Variants in PLXNA2 observed in about 807,000 individuals in gnomAD.
PLXNA2 encodes the protein plexin A2.
PLXNA2 carries 91 observed loss-of-function variants against 193.5 expected under a neutral mutation model. The observed-to-expected ratio is 0.47, with a 90% CI of 0.40 to 0.56. The LOEUF (loss-of-function observed/expected upper bound fraction) is 0.56, where lower values mean the gene tolerates loss of function less well. PLXNA2 is among the 20% of genes least tolerant of loss of function. The pLI, the probability that PLXNA2 is intolerant of heterozygous loss-of-function variation, is 0.00. For synonymous variants in PLXNA2, 997 were observed against 1,027.3 expected (o/e 0.97, Z 0.56); for missense variants, 1,995 against 2,503.2 (o/e 0.80, Z 4.33).
intron 3 of PLXNA2, among the ~76,000 whole-genome samples, chr1:208,194,726 C>T (rs959830966): frequency 3.5e-4 from 53 of 152,180 alleles, no homozygotes; most frequent in African/African-American, 1.2e-3. Flanking sequence ...TTGCTGCTGT[C>T]CTTCTCCACC....
chr1:208,085,557 G>C (rs1666491290), intron 9 of PLXNA2, among the ~76,000 whole-genome samples: 1 of 152,230 alleles, frequency 6.6e-6, no homozygotes, highest in Admixed American at 6.5e-5. Context: ...CAAGGTGTAG[G>C]ACATGTTCAA....
At chr1:208,090,117 C>T (rs991800390) in intron 9 of PLXNA2, among the ~76,000 whole-genome samples, 1 of 152,112 alleles carries the variant, frequency 6.6e-6, no homozygotes, top group East Asian at 1.9e-4. Flanking sequence ...GAATCTGCAC[C>T]CTGTTTCCTT....
In PLXNA2 at chr1:208,098,942, C is replaced by T. The variant is rs1372189680; in HGVS notation, c.1635G>A (p.Gln545=). 6.2e-7 allele frequency: 1 copy of T among 1,613,052 alleles called. No individual in the cohort carries two copies. The highest frequency in any genetic ancestry group is 8.5e-7 in the Non-Finnish European group (1 of 1,179,856). The change falls in exon 6 of 32, where the codon CAG becomes CAA. Residue 545 remains glutamine, a synonymous_variant. Coordinates refer to ENST00000367033, the MANE Select transcript of PLXNA2 (RefSeq NM_025179.4). ...CAGCAAATCGATTAGGTTCCCAGGC[C>T]TGTTGGCATTTGTCCCTGCGGGAGC... ...NMCSRRDKCQ[Q]AWEPNRFAAS... is the part of the protein sequence containing the mutation.
chr1:208,064,228 T>G (rs796659909), intron 12 of PLXNA2, among the ~76,000 whole-genome samples: 25 of 152,334 alleles, frequency 1.6e-4, no homozygotes, highest in African/African-American at 5.8e-4. Flanking sequence ...CATCATCTCC[T>G]ACCCACACTA....
chr1:208,125,492 G>T (rs1223694911), intron 4 of PLXNA2, among the ~76,000 whole-genome samples: 2 of 152,210 alleles, frequency 1.3e-5, no homozygotes, highest in African/African-American at 4.8e-5. Context: ...CCAGGTGAGA[G>T]AAATCGCATT....
intron 3 of PLXNA2, among the ~76,000 whole-genome samples, chr1:208,205,796 A>G (rs1670700729): frequency 6.6e-6 from 1 of 152,136 alleles, no homozygotes; most frequent in Admixed American, 6.5e-5. Context: ...TCTTCCTTAT[A>G]TGAAGGGGAA....
intron 3 of PLXNA2, among the ~76,000 whole-genome samples, chr1:208,194,444 A>G (rs1171537771): frequency 1.4e-5 from 2 of 146,816 alleles, no homozygotes; most frequent in Non-Finnish European, 3.0e-5. Context: ...CCAATAAATA[A>G]TTTAGCAGCT....
Position 208,238,367 on chromosome 1 carries a change from T to C in PLXNA2, c.-81+5276A>G, listed in dbSNP as rs1048111509. Reference sequence around the variant, plus strand: ...AATTAAACTTTCATAACACGATACATTTATCTTGTTTTTCTTCTTTCTTTT... The same window carrying C: ...AATTAAACTTTCATAACACGATACACTTATCTTGTTTTTCTTCTTTCTTTT... On this transcript the variant is annotated intron_variant, in intron 1 of 31. Coordinates refer to ENST00000367033, the MANE Select transcript of PLXNA2 (RefSeq NM_025179.4). Among the ~76,000 whole-genome samples, 8 of 152,200 alleles carry C rather than the reference T, an allele frequency of 5.3e-5. No homozygotes were observed. The South Asian group carries it at 8.3e-4, about 16-fold the overall frequency.
chr1:208,109,893 T>G (rs914880907), intron 4 of PLXNA2, among the ~76,000 whole-genome samples: 1 of 152,256 alleles, frequency 6.6e-6, no homozygotes, highest in Non-Finnish European at 1.5e-5. Flanking sequence ...CTACAGCTCC[T>G]AGTACCCAGT....
intron 4 of PLXNA2, among the ~76,000 whole-genome samples, chr1:208,133,188 C>A (rs1209869210): frequency 6.6e-6 from 1 of 152,134 alleles, no homozygotes; most frequent in African/African-American, 2.4e-5. Flanking sequence ...AGGGAGGGAA[C>A]CAGGACAGGT....
At chr1:208,182,755 C>T (rs979532385) in intron 3 of PLXNA2, among the ~76,000 whole-genome samples, 4 of 151,958 alleles carry the variant, frequency 2.6e-5, no homozygotes, top group Non-Finnish European at 5.9e-5. Flanking sequence ...CAGAGCTGTG[C>T]GGGGAGTTTG....
chr1:208,078,000 G>A (rs1233620422), intron 12 of PLXNA2, among the ~76,000 whole-genome samples: 1 of 152,108 alleles, frequency 6.6e-6, no homozygotes, highest in Non-Finnish European at 1.5e-5. Context: ...GAAGGAAGGG[G>A]AAGCACCACT....
intron 3 of PLXNA2, among the ~76,000 whole-genome samples, chr1:208,164,744 C>G (rs1669242557): frequency 6.6e-6 from 1 of 152,198 alleles, no homozygotes; most frequent in Non-Finnish European, 1.5e-5. Flanking sequence ...CTTCAGATCC[C>G]TGGGCGTCAG....
rs146439640 is a variant in PLXNA2, at chr1:208,044,737, G to A, written c.3645C>T (p.His1215=). 90 of 1,612,106 alleles carry A rather than the reference G, an allele frequency of 5.6e-5. No homozygotes were observed. Among genetic ancestry groups the A allele is most frequent in the East Asian group, 1.1e-4 (5 of 44,866 alleles). Residue 1215 remains histidine, a synonymous_variant, in exon 20 of 32, where the codon CAC becomes CAT. Coordinates refer to ENST00000367033, the MANE Select transcript of PLXNA2 (RefSeq NM_025179.4). This position sits in a 1 kb window ranked among gnomAD's most constrained non-coding sequence, Gnocchi z 4.9. ...NLTGQHKVMV[H]VGGMVFSPGS... ...CAGGCGAGAACACCATCCCGCCCAC[G>A]TGAACCTGTGCATTGTACACATACA...
chr1:208,032,204 T>A (rs988319698), intron 28 of PLXNA2: 18 of 924,478 alleles, frequency 1.9e-5, no homozygotes, highest in Non-Finnish European at 2.3e-5. Context: ...AGGCTTAGGA[T>A]GTTAGTGACC....
At chr1:208,196,537 G>A (rs897511463) in intron 3 of PLXNA2, among the ~76,000 whole-genome samples, 1 of 152,164 alleles carries the variant, frequency 6.6e-6, no homozygotes, top group African/African-American at 2.4e-5. Context: ...AGATGCTCTT[G>A]CTCCTTTCTC....
At position 208,092,965 on chromosome 1, in the gene PLXNA2, T is replaced by C. The variant is rs534914799; in HGVS notation, c.1983-65A>G. On this transcript the variant is annotated intron_variant, in intron 8 of 31. Coordinates refer to ENST00000367033, the MANE Select transcript of PLXNA2 (RefSeq NM_025179.4). ...CAAAGAGGGAAGGTGGCATGTGTCA[T>C]GATAGAAGTCTGTTAACCTGTGTTT... The C allele has an allele frequency of 2.7e-3, 3,080 of 1,135,798 alleles. 8 individuals carry two copies. Among genetic ancestry groups the C allele is most frequent in the Non-Finnish European group, 3.3e-3 (2,459 of 753,566 alleles). 70.4% of individuals were successfully genotyped at this position (1,135,798 alleles called of 1,614,324 possible). A position where few individuals can be genotyped will look rare whatever the true frequency, so the allele number is the denominator to read the frequency against.
intron 1 of PLXNA2, among the ~76,000 whole-genome samples, chr1:208,218,974 T>G (rs1010906959): frequency 6.6e-6 from 1 of 152,040 alleles, no homozygotes; most frequent in African/African-American, 2.4e-5. Context: ...TTTGGGAGAA[T>G]GTGGGGAGCA....
chr1:208,184,452 A>G (rs1365199056), intron 3 of PLXNA2, among the ~76,000 whole-genome samples: 1 of 151,416 alleles, frequency 6.6e-6, no homozygotes, highest in Non-Finnish European at 1.5e-5. Context: ...AAAGTATACC[A>G]AGGCCAGCCC....
Sources: gnomAD v4.1 joint callset for allele counts (sites outside exome capture counted in the v4.1 genomes callset) on GRCh38, gnomAD v4.1.1 for gene constraint, Gnocchi (gnomAD v3.1) non-coding constraint, MANE v1.5 for transcripts, NCBI Gene and HGNC (gene_info 2026-07-23, HGNC 2026-07-21) for gene names.